ASB4: variants seen among roughly 807,000 people sequenced by gnomAD.
The protein encoded by ASB4 is ankyrin repeat and SOCS box protein 4.
A neutral mutation model predicts 38.6 loss-of-function variants in ASB4; 35 were observed. That is an observed-to-expected ratio of 0.91 (90% CI 0.69 to 1.20). ASB4 has a LOEUF of 1.20. Ranked by LOEUF, ASB4 falls within the 50% of genes most tolerant of loss-of-function variation. The probability of loss-of-function intolerance (pLI) is 0.00; values close to 1 mark genes in which losing one functional copy is unlikely to be tolerated. For synonymous variants in ASB4, 195 were observed against 201.3 expected, an observed-to-expected ratio of 0.97 and a Z score of 0.26; for missense variants, 557 against 527.2, an observed-to-expected ratio of 1.06 and a Z score of -0.55.
At chr7:95,546,848 C>T in the ASB4 span, among the ~76,000 whole-genome samples, 2 of 152,150 alleles carry the variant, frequency 1.3e-5, no homozygotes, top group African/African-American at 4.8e-5. Context: ...GCCATTTATT[C>T]AACAAATATT....
In ASB4 at chr7:95,486,130, G is replaced by A. The variant is rs1554346305; in HGVS notation, c.159G>A (p.Glu53=). 6.2e-7 allele frequency: 1 copy of A among 1,613,996 alleles called. No individual in the cohort carries two copies. Among genetic ancestry groups the A allele is most frequent in the Non-Finnish European group, 8.5e-7 (1 of 1,179,924 alleles). The change falls in exon 1 of 5, where the codon GAG becomes GAA. Residue 53 remains glutamate (E), a synonymous_variant. Transcript: ENST00000325885. The stretch of plus-strand genomic sequence containing the variant: ...ACACTGTTTTTGAAGTCGAAGATGA[G>A]AATATGGTTTTGGCATCTTATAAAC... ...DVDTVFEVED[E]NMVLASYKQG...
intron 2 of ASB4, among the ~76,000 whole-genome samples, chr7:95,515,998 A>C (rs1790578941): frequency 6.6e-6 from 1 of 152,178 alleles, no homozygotes; most frequent in Non-Finnish European, 1.5e-5. Flanking sequence ...TCCATGAGCC[A>C]GGGCCATTCA....
At position 95,523,660 on chromosome 7, in the gene ASB4, A is replaced by C. The variant is rs143452090; in HGVS notation, c.488-4153A>C. 3.9e-5 allele frequency among the ~76,000 whole-genome samples: 6 copies of C among 152,268 alleles called. No homozygotes were observed. In the East Asian group the frequency reaches 1.2e-3, roughly 29 times the overall value. ...CATAGTTCAAATGTTTCAGCTTAAT[A>C]ATTCTATTTTGGGGGAATTTATTCC... On this transcript the variant is annotated intron_variant, in intron 2 of 4. Coordinates refer to ENST00000325885, the MANE Select transcript of ASB4 (RefSeq NM_016116.3).
At position 95,531,990 on chromosome 7, in the gene ASB4, T is replaced by C. The variant is rs112692816; in HGVS notation, c.978+3687T>C. On this transcript the variant is annotated intron_variant, in intron 3 of 4. Transcript: ENST00000325885. ...TAGGATAGAGTTGGCTACTGGTAGA[T>C]GGCTGGTATTACAAACATTTTTGTT... is the stretch of plus-strand genomic sequence containing the variant. 6.3e-3 allele frequency among the ~76,000 whole-genome samples: 962 copies of C among 152,328 alleles called. 9 individuals are homozygous for C. Among genetic ancestry groups the C allele is most frequent in the African/African-American group, 0.022 (914 of 41,574 alleles).
intron 2 of ASB4, among the ~76,000 whole-genome samples, chr7:95,524,761 A>T (rs1444592269): frequency 6.6e-6 from 1 of 152,158 alleles, no homozygotes; most frequent in Non-Finnish European, 1.5e-5. Context: ...TGGAGACACA[A>T]ATGAGACAGC....
At chr7:95,494,559 G>T (rs1367427015) in intron 1 of ASB4, among the ~76,000 whole-genome samples, 1 of 152,242 alleles carries the variant, frequency 6.6e-6, no homozygotes, top group African/African-American at 2.4e-5. Flanking sequence ...AATTTATTTT[G>T]TTGTTTCAGC....
At chr7:95,482,847 C>T (rs74420394), upstream of ASB4, among the ~76,000 whole-genome samples, 2,292 of 152,200 alleles carry the variant, frequency 0.015, 60 homozygotes, top group African/African-American at 0.053. Flanking sequence ...ACACTTCTTC[C>T]GGGGTTGAAC....
Position 95,495,949 on chromosome 7 carries a change from T to A in ASB4, c.379T>A (p.Cys127Ser). The A allele has an allele frequency of 6.2e-7, 1 of 1,614,176 alleles. No homozygotes were observed. Among genetic ancestry groups the A allele is most frequent in the Non-Finnish European group, 8.5e-7 (1 of 1,180,006 alleles). The change falls in exon 2 of 5, where the codon TGT becomes AGT. Residue 127 changes from cysteine (C) to serine (S), a missense_variant. Cys to Ser is a moderately radical substitution (Grantham distance 112). Coordinates refer to ENST00000325885, the MANE Select transcript of ASB4 (RefSeq NM_016116.3). ...MANVDCVKILCDRGAKLNCYS... is the reference protein window; with the variant it reads ...MANVDCVKILSDRGAKLNCYS... Reference sequence around the variant, plus strand: ...CAATGTGGATTGTGTTAAGATCCTCTGTGATCGTGGGGCAAAGCTCAATTG... The same window carrying A: ...CAATGTGGATTGTGTTAAGATCCTCAGTGATCGTGGGGCAAAGCTCAATTG...
At chr7:95,521,064 A>G (rs74911514) in intron 2 of ASB4, among the ~76,000 whole-genome samples, 36,805 of 152,064 alleles carry the variant, frequency 0.24, 4,481 homozygotes, top group Middle Eastern at 0.35. Context: ...TTCTGAAAGA[A>G]TTGCCATCTT....
At chr7:95,523,472 C>T (rs573950579) in intron 2 of ASB4, among the ~76,000 whole-genome samples, 20 of 152,208 alleles carry the variant, frequency 1.3e-4, no homozygotes, top group Non-Finnish European at 2.5e-4. Flanking sequence ...GAGAAAGTGT[C>T]TAAACTCTAA....
In ASB4 at chr7:95,495,380, T is replaced by A. The variant is rs192600962; in HGVS notation, c.188-378T>A. Among the ~76,000 whole-genome samples the A allele has an allele frequency of 6.1e-3, 935 of 152,196 alleles. 3 individuals are homozygous for A. Among genetic ancestry groups the A allele is most frequent in the Non-Finnish European group, 0.011 (724 of 67,998 alleles). On this transcript the variant is annotated intron_variant, in intron 1 of 4. Coordinates refer to ENST00000325885, the MANE Select transcript of ASB4 (RefSeq NM_016116.3). ...AAACTCTCAATGATTGAAAGTTTTT[T>A]AAAAAAATATCCTTGAAGCATCTCA...
intron 1 of ASB4, among the ~76,000 whole-genome samples, chr7:95,491,380 A>G (rs1455521006): frequency 6.6e-6 from 1 of 151,826 alleles, no homozygotes; most frequent in East Asian, 1.9e-4. Flanking sequence ...CCGCTGCTTC[A>G]CCTCCCACCC....
chr7:95,471,087 C>T, the ASB4 span, among the ~76,000 whole-genome samples: 1 of 152,168 alleles, frequency 6.6e-6, no homozygotes, highest in East Asian at 1.9e-4. Flanking sequence ...AAATGTTTCT[C>T]ATTTTTCTGT....
intron 1 of ASB4, among the ~76,000 whole-genome samples, chr7:95,492,619 A>C (rs1790188434): frequency 6.6e-6 from 1 of 152,194 alleles, no homozygotes; most frequent in African/African-American, 2.4e-5. Flanking sequence ...TTACATCAAA[A>C]TGGTGTTTTC....
chr7:95,536,162 C>T (rs139752723), intron 3 of ASB4, among the ~76,000 whole-genome samples: 11 of 152,160 alleles, frequency 7.2e-5, no homozygotes, highest in African/African-American at 2.4e-4. Flanking sequence ...TACTCAAAGG[C>T]GTGAGACTTC....
chr7:95,514,248 T>A (rs1790524266), intron 2 of ASB4, among the ~76,000 whole-genome samples: 1 of 152,190 alleles, frequency 6.6e-6, no homozygotes, highest in Non-Finnish European at 1.5e-5. Flanking sequence ...TGAATTTCTG[T>A]CTCACCGACA....
intron 1 of ASB4, among the ~76,000 whole-genome samples, chr7:95,488,046 T>G (rs761666207): frequency 5.3e-5 from 8 of 152,204 alleles, no homozygotes; most frequent in Non-Finnish European, 8.8e-5. Context: ...TCATCTTTCT[T>G]AAAAGTTTCT....
chr7:95,508,464 AG>A (rs1790439565), intron 2 of ASB4, among the ~76,000 whole-genome samples: 1 of 152,246 alleles, frequency 6.6e-6, no homozygotes, highest in Admixed American at 6.5e-5. Context: ...ATAATTATAG[AG>A]AATAATTATT....
intron 1 of ASB4, among the ~76,000 whole-genome samples, chr7:95,495,187 C>T (rs139445299): frequency 6.6e-5 from 10 of 152,056 alleles, no homozygotes; most frequent in East Asian, 3.9e-4. Context: ...CTTTGGAAAG[C>T]GATATTGCAT....
Sources: allele counts gnomAD v4.1 joint callset (sites outside exome capture counted in the v4.1 genomes callset), GRCh38; gene constraint gnomAD v4.1.1; transcripts MANE v1.5; gene names NCBI Gene and HGNC (gene_info 2026-07-23, HGNC 2026-07-21).